The following CACNG7 variants were observed in gnomAD, a reference collection of about 807,000 sequenced individuals.
CACNG7 encodes the protein voltage-dependent calcium channel gamma-7 subunit.
In CACNG7, 9 loss-of-function variants were observed where a neutral mutation model predicts 26.3. The observed-to-expected ratio is 0.34, with a 90% confidence interval of 0.21 to 0.60. CACNG7 has a LOEUF of 0.60. Ranked by LOEUF, CACNG7 falls within the 20% of genes least tolerant of loss-of-function variation. CACNG7 has a pLI of 0.81. For missense variants in CACNG7, 297 were observed against 380.4 expected, an observed-to-expected ratio of 0.78 and a Z score of 1.82; for synonymous variants, 170 against 157.0, an observed-to-expected ratio of 1.08 and a Z score of -0.62.
intron 4 of CACNG7, 84 bp downstream of exon 4, chr19:53,915,589 GC>G: frequency 6.7e-7 from 1 of 1,500,986 alleles, no homozygotes; most frequent in African/African-American, 1.4e-5. Flanking sequence ...CCACTTCCTT[GC>G]TGTGTGGCCT....
In CACNG7 at chr19:53,941,486, G is replaced by A; in HGVS notation, c.441G>A (p.Val147=). The change falls in exon 5 of 6, where the codon GTG becomes GTA. Residue 147 remains valine, a synonymous_variant. Transcript: ENST00000391767. ...CTCCCCTAGGCCTCTCCTTGGTGGT[G>A]GGCTTGGTTCTTTACATCTCCAGCA... ...FFILSGLSLV[V]GLVLYISSIN... The A allele has an allele frequency of 3.2e-6, 5 of 1,574,526 alleles. No individual in the cohort carries two copies. Among genetic ancestry groups the A allele is most frequent in the Non-Finnish European group, 3.4e-6 (4 of 1,165,184 alleles).
intron 2 of CACNG7, 147 bp from the exon 3 acceptor site, chr19:53,914,353 C>T (rs907221015): frequency 1.6e-6 from 1 of 607,436 alleles, no homozygotes; most frequent in South Asian, 2.1e-5. Flanking sequence ...TTTCCCAACA[C>T]CCCTGGAGTA....
Position 53,915,234 on chromosome 19 carries a change from G to A in CACNG7, c.284-131G>A, listed in dbSNP as rs2068888214. 4.6e-6 allele frequency: 3 copies of A among 658,660 alleles called. No individual in the cohort carries two copies. The Admixed American group carries it at 7.2e-5, about 16-fold the overall frequency. The allele number at this position is 658,660 out of a possible 1,614,324, so 40.8% of individuals were successfully genotyped here. On this transcript the variant is annotated intron_variant, in intron 3 of 5. Transcript: ENST00000391767. ...GGAAGGAGAAGAGTCAGTGGGGAAG[G>A]GGAGGAGTCAGTAAGGAAAGGGAGG...
At chr19:53,922,269 CATTGGTGCAGTTGCCCCAGGTCTGGT>C in intron 4 of CACNG7, among the ~76,000 whole-genome samples, 1 of 95,508 alleles carries the variant, frequency 1.0e-5, no homozygotes, top group Non-Finnish European at 1.9e-5. Context: ...CAGGTCTGGT[CATTGGTGCAGTTGCCCCAGGTCTGGT>C]ATTGGTGGAG....
At chr19:53,918,685 G>A (rs1033255843) in intron 4 of CACNG7, among the ~76,000 whole-genome samples, 5 of 152,172 alleles carry the variant, frequency 3.3e-5, no homozygotes, top group South Asian at 4.1e-4. Context: ...TAGTACTAGC[G>A]GTGGTGGTGC....
At position 53,914,404 on chromosome 19, in the gene CACNG7, C is replaced by T. The variant is rs1282905807; in HGVS notation, c.197-96C>T. On this transcript the variant is annotated intron_variant, in intron 2 of 5. Coordinates refer to ENST00000391767, the MANE Select transcript of CACNG7 (RefSeq NM_031896.5). Reference sequence around the variant, plus strand: ...CTTGGGTTAGGCCTTGCTCCCCCATCCTGGGGTCTCCCCTCTATCTGTCCT... The same window carrying T: ...CTTGGGTTAGGCCTTGCTCCCCCATTCTGGGGTCTCCCCTCTATCTGTCCT... 1.3e-5 allele frequency: 13 copies of T among 976,368 alleles called. No homozygotes were observed. The East Asian group carries it at 3.1e-4, about 23-fold the overall frequency. 60.5% of individuals were successfully genotyped at this position (976,368 alleles called of 1,614,324 possible).
intron 4 of CACNG7, among the ~76,000 whole-genome samples, chr19:53,927,171 T>C (rs1235630786): frequency 6.6e-6 from 1 of 151,998 alleles, no homozygotes; most frequent in Non-Finnish European, 1.5e-5. Context: ...CCACCCACCT[T>C]GGCCTCCCAA....
intron 2 of CACNG7, among the ~76,000 whole-genome samples, chr19:53,913,378 T>C (rs2068873029): frequency 6.6e-6 from 1 of 151,968 alleles, no homozygotes; most frequent in Non-Finnish European, 1.5e-5. Context: ...TCCCAGCACT[T>C]TGGGAGGCCA....
intron 4 of CACNG7, among the ~76,000 whole-genome samples, chr19:53,931,006 G>A (rs2145915308): frequency 6.6e-6 from 1 of 151,332 alleles, no homozygotes; most frequent in East Asian, 2.0e-4. Flanking sequence ...AACCAGCCTG[G>A]GCAACATGGT....
At chr19:53,936,502 C>T (rs2069106170) in intron 4 of CACNG7, among the ~76,000 whole-genome samples, 1 of 152,198 alleles carries the variant, frequency 6.6e-6, no homozygotes, top group African/African-American at 2.4e-5. Flanking sequence ...TCTATTATTC[C>T]ACCTACATGG....
chr19:53,941,426 G>A, intron 4 of CACNG7, 44 bp from the exon 5 acceptor site: 1 of 1,483,064 alleles, frequency 6.7e-7, no homozygotes, highest in Non-Finnish European at 8.9e-7. Flanking sequence ...CTGGGAAAAG[G>A]GGCCCACTTC....
At chr19:53,923,947 G>A (rs2068994225) in intron 4 of CACNG7, among the ~76,000 whole-genome samples, 1 of 143,722 alleles carries the variant, frequency 7.0e-6, no homozygotes, top group Non-Finnish European at 1.5e-5. Context: ...GGTATTGGTG[G>A]AGTTGTCCCC....
intron 4 of CACNG7, among the ~76,000 whole-genome samples, chr19:53,919,851 G>T (rs571590610): frequency 7.0e-6 from 1 of 142,494 alleles, no homozygotes; most frequent in East Asian, 2.2e-4. Context: ...AGTTGCCCCA[G>T]GCTGGTCATT....
At chr19:53,931,855 A>G (rs138079346) in intron 4 of CACNG7, among the ~76,000 whole-genome samples, 11,103 of 132,774 alleles carry the variant, frequency 0.084, 1,425 homozygotes, top group African/African-American at 0.29. Flanking sequence ...TCCGCCTCCC[A>G]GGTTTGCGCC....
At chr19:53,914,362 T>A in intron 2 of CACNG7, 138 bp from the exon 3 acceptor site, 1 of 633,926 alleles carries the variant, frequency 1.6e-6, no homozygotes, top group Non-Finnish European at 2.9e-6. Context: ...ACCCCTGGAG[T>A]AGTACAGCTC....
Position 53,939,221 on chromosome 19 carries a change from A to G in CACNG7, c.425-2249A>G, listed in dbSNP as rs1200664327. 2.0e-5 allele frequency among the ~76,000 whole-genome samples: 3 copies of G among 151,914 alleles called. 1 individual carries two copies. Among genetic ancestry groups the G allele is most frequent in the Admixed American group, 2.0e-4 (3 of 15,236 alleles). On this transcript the variant is annotated intron_variant, in intron 4 of 5. Transcript: ENST00000391767. The surrounding 1 kb of genome is among the most constrained non-coding windows in gnomAD (Gnocchi z 4.2). ...TGCGGTGAGCCGAGATTGCACCACT[A>G]CACTCCAGCCTAGGTGACAGAGCAA...
In CACNG7 at chr19:53,941,753, C is replaced by A. The variant is rs529135262; in HGVS notation, c.570+138C>A. The A allele has an allele frequency of 4.4e-6, 5 of 1,135,280 alleles. No homozygotes were observed. The South Asian group carries it at 6.0e-5, about 14-fold the overall frequency. The allele number at this position is 1,135,280 out of a possible 1,614,324, so 70.3% of individuals were successfully genotyped here. ...GGGAGGTGGTAGCTGAGGGTCTAACCCCTGGGTCCTGGAGGAAGAGGGGTC... is the reference window on the plus strand; with the variant it reads ...GGGAGGTGGTAGCTGAGGGTCTAACACCTGGGTCCTGGAGGAAGAGGGGTC... On this transcript the variant is annotated intron_variant, in intron 5 of 5. Coordinates refer to ENST00000391767, the MANE Select transcript of CACNG7 (RefSeq NM_031896.5).
intron 4 of CACNG7, among the ~76,000 whole-genome samples, chr19:53,919,768 C>G (rs2068925341): frequency 7.0e-6 from 1 of 143,560 alleles, no homozygotes; most frequent in South Asian, 2.2e-4. Context: ...GTGGAGTTGC[C>G]CCAGGCTGGT....
At chr19:53,929,174 G>A (rs2069054928) in intron 4 of CACNG7, among the ~76,000 whole-genome samples, 1 of 151,272 alleles carries the variant, frequency 6.6e-6, no homozygotes, top group Non-Finnish European at 1.5e-5. Flanking sequence ...AAGGGACTTG[G>A]GGAAGCAAAA....
Sources: gnomAD v4.1 joint callset for allele counts (sites outside exome capture counted in the v4.1 genomes callset) on GRCh38, gnomAD v4.1.1 for gene constraint, Gnocchi (gnomAD v3.1) non-coding constraint, MANE v1.5 for transcripts, NCBI Gene and HGNC (gene_info 2026-07-23, HGNC 2026-07-21) for gene names.